Variants in TERB1 observed in about 807,000 individuals in gnomAD.
TERB1 encodes telomere repeat binding bouquet formation protein 1.
Under a neutral mutation model 92.3 loss-of-function variants are expected in TERB1, and 63 were observed. The ratio of observed to expected loss-of-function variants is 0.68; its 90% CI spans 0.56 to 0.84. TERB1 has a LOEUF of 0.84. Among genes scored for constraint, TERB1 ranks in the 40% least tolerant of loss-of-function variants. The pLI is 0.00. For synonymous variants in TERB1, 252 were observed against 283.9 expected (o/e 0.89, Z 1.13); for missense variants, 709 against 843.7 (o/e 0.84, Z 1.98).
chr16:66,758,873 G>GT (rs1567463884), intron 17 of TERB1, 35 bp from the exon 18 acceptor site: 2 of 1,338,428 alleles, frequency 1.5e-6, no homozygotes, highest in Non-Finnish European at 2.1e-6. Flanking sequence ...CACATTTAGC[G>GT]TATCAATCTG....
At chr16:66,780,059 G>A (rs766230248) in intron 9 of TERB1, among the ~76,000 whole-genome samples, 1 of 152,138 alleles carries the variant, frequency 6.6e-6, no homozygotes, top group African/African-American at 2.4e-5. Flanking sequence ...TAGAGACAGG[G>A]TTTGACCATG....
chr16:66,786,005 G>C lies in TERB1; in HGVS notation c.577+9C>G, dbSNP rs2018723515. ...TTTATTTTTATATTTAAACATGACA[G>C]ATAATTACCATTTTGAGGATTGTTG... is the stretch of plus-strand genomic sequence containing the variant. On this transcript the variant is annotated intron_variant, in intron 8 of 18. Coordinates refer to ENST00000433154, the MANE Select transcript of TERB1 (RefSeq NM_001136505.2). 9 of 1,539,402 alleles carry C rather than the reference G, an allele frequency of 5.8e-6. No homozygotes were observed. Among genetic ancestry groups the C allele is most frequent in the Non-Finnish European group, 2.6e-6 (3 of 1,139,408 alleles).
At chr16:66,756,715 G>C (rs1413681168) in intron 18 of TERB1, among the ~76,000 whole-genome samples, 1 of 152,088 alleles carries the variant, frequency 6.6e-6, no homozygotes. Flanking sequence ...TTCCATTGTG[G>C]CTGCCATCTC....
intron 16 of TERB1, among the ~76,000 whole-genome samples, chr16:66,760,456 C>CAAAAA (rs1338924292): frequency 1.0e-3 from 40 of 38,278 alleles, no homozygotes; most frequent in African/African-American, 2.1e-3. Context: ...GACTCCATCT[C>CAAAAA]AAAAAAAAAA....
intron 16 of TERB1, among the ~76,000 whole-genome samples, chr16:66,766,279 G>A (rs2018345610): frequency 1.3e-5 from 2 of 151,340 alleles, no homozygotes; most frequent in Admixed American, 6.6e-5. Context: ...GTATTAAAAT[G>A]TGGAGAAAAA....
At chr16:66,782,096 G>T (rs2018647797) in intron 9 of TERB1, among the ~76,000 whole-genome samples, 1 of 151,968 alleles carries the variant, frequency 6.6e-6, no homozygotes, top group Admixed American at 6.6e-5. Context: ...ACTGTATAAG[G>T]GTTCAGATTC....
Position 66,769,803 on chromosome 16 carries a change from T to A in TERB1, c.1619+160A>T. ...AGATTAACTGGCCCATACCTCCCTG[T>A]CCAAACTCCTTTCCCAACACTTCCT... On this transcript the variant is annotated intron_variant, in intron 14 of 18. Transcript: ENST00000433154. 6.3e-6 allele frequency: 4 copies of A among 635,508 alleles called. No individual in the cohort carries two copies. The South Asian group carries it at 8.1e-5, about 13-fold the overall frequency. 39.4% of individuals were successfully genotyped at this position (635,508 alleles called of 1,614,324 possible).
Position 66,772,630 on chromosome 16 carries a change from T to G in TERB1, c.1231A>C (p.Ile411Leu). ...LEEHWRKAKE[I>L]LHRIEQLERE... ...TCAAGCTGTTCTATTCTGTGTAGAA[T>G]TTCCTTTGCTTTCCTCCAGTGCTCT... The change falls in exon 13 of 19, where the codon ATT becomes CTT. Residue 411 changes from isoleucine (I) to leucine (L), a missense_variant. Physicochemically the swap from Ile to Leu is conservative, Grantham distance 5 (BLOSUM62 2). Transcript: ENST00000433154. 1 of 1,551,652 alleles carries G rather than the reference T, an allele frequency of 6.4e-7. No individual in the cohort carries two copies. The highest frequency in any genetic ancestry group is 8.7e-7 in the Non-Finnish European group (1 of 1,146,818).
At chr16:66,784,338 T>G (rs997610500) in intron 9 of TERB1, among the ~76,000 whole-genome samples, 5 of 151,906 alleles carry the variant, frequency 3.3e-5, no homozygotes, top group South Asian at 2.1e-4. Context: ...GGGTTTTTTG[T>G]GTTTTTTTTT....
Position 66,775,098 on chromosome 16 carries a change from TAAAGTA to T in TERB1, c.1111+14_1111+19del, listed in dbSNP as rs768033109. ...TTATAAACTTTGGTTGGTATGTTCT[TAAAGTA>T]ATAGTACACTTACTAATTTTTTTGC... is the stretch of plus-strand genomic sequence containing the variant. On this transcript the variant is annotated intron_variant, in intron 12 of 18. Coordinates refer to ENST00000433154, the MANE Select transcript of TERB1 (RefSeq NM_001136505.2). 3.9e-6 allele frequency: 6 copies of T among 1,550,440 alleles called. No homozygotes were observed. In the South Asian group the frequency reaches 7.1e-5, roughly 18 times the overall value.
chr16:66,767,221 C>T (rs1380878439), intron 16 of TERB1, among the ~76,000 whole-genome samples, 194 bp downstream of exon 16: 1 of 151,484 alleles, frequency 6.6e-6, no homozygotes, highest in Non-Finnish European at 1.5e-5. Flanking sequence ...CACCTGTAAT[C>T]CCAGCTACTT....
At position 66,768,090 on chromosome 16, in the gene TERB1, A is replaced by AT. The variant is rs2018381073; in HGVS notation, c.1684+13dup. ...TGTTTTATTAAAAAACCAAAGAAAC[A>AT]TTTTTAATCATACCTGTTACTGGTA... On this transcript the variant is annotated intron_variant, in intron 15 of 18. Transcript: ENST00000433154. The AT allele has an allele frequency of 6.5e-7, 1 of 1,538,864 alleles. No individual in the cohort carries two copies. Among genetic ancestry groups the AT allele is most frequent in the African/African-American group, 1.4e-5 (1 of 72,674 alleles).
At position 66,758,766 on chromosome 16, in the gene TERB1, T is replaced by C; in HGVS notation, c.1996+7A>G. 6.7e-7 allele frequency: 1 copy of C among 1,496,852 alleles called. No individual in the cohort carries two copies. The highest frequency in any genetic ancestry group is 9.1e-7 in the Non-Finnish European group (1 of 1,099,190). 92.7% of individuals were successfully genotyped at this position (1,496,852 alleles called of 1,614,324 possible). Reference sequence around the variant, plus strand: ...AAGAAAAAAAAAATTAAATTAAATATATTCACTTATTCCTCCAGGGGTAGT... The same window carrying C: ...AAGAAAAAAAAAATTAAATTAAATACATTCACTTATTCCTCCAGGGGTAGT... On this transcript the variant is annotated splice_region_variant and intron_variant, in intron 18 of 18. Coordinates refer to ENST00000433154, the MANE Select transcript of TERB1 (RefSeq NM_001136505.2).
intron 9 of TERB1, among the ~76,000 whole-genome samples, chr16:66,782,103 A>G (rs1428922440): frequency 6.6e-6 from 1 of 152,228 alleles, no homozygotes; most frequent in Non-Finnish European, 1.5e-5. Flanking sequence ...AAGGGTTCAG[A>G]TTCATATTTT....
intron 12 of TERB1, among the ~76,000 whole-genome samples, chr16:66,773,662 G>A (rs1201359150): frequency 2.0e-5 from 3 of 152,140 alleles, no homozygotes; most frequent in South Asian, 2.1e-4. Context: ...TCTGCTCCAC[G>A]TCTAGACCAG....
At chr16:66,775,301 C>A in intron 11 of TERB1, 58 bp from the exon 12 acceptor site, 1 of 1,408,874 alleles carries the variant, frequency 7.1e-7, no homozygotes. Context: ...TATATGAGGT[C>A]ATAATTCTTC....
chr16:66,785,698 CAATT>C, intron 9 of TERB1, 84 bp downstream of exon 9: 1 of 1,292,400 alleles, frequency 7.7e-7, no homozygotes, highest in South Asian at 1.7e-5. Flanking sequence ...TACAAGAATT[CAATT>C]GATTCAATAA....
At chr16:66,796,417 C>G (rs1179112583) in intron 3 of TERB1, among the ~76,000 whole-genome samples, 1 of 152,200 alleles carries the variant, frequency 6.6e-6, no homozygotes, top group African/African-American at 2.4e-5. Flanking sequence ...ACACTTTTCT[C>G]TCTGGTTAAC....
At chr16:66,780,818 G>A (rs1427314199) in intron 9 of TERB1, among the ~76,000 whole-genome samples, 1 of 152,138 alleles carries the variant, frequency 6.6e-6, no homozygotes, top group Admixed American at 6.6e-5. Context: ...AGGGTATCAC[G>A]GAAATAGATT....
Sources: allele counts gnomAD v4.1 joint callset (sites outside exome capture counted in the v4.1 genomes callset), GRCh38; gene constraint gnomAD v4.1.1; transcripts MANE v1.5; gene names NCBI Gene and HGNC (gene_info 2026-07-23, HGNC 2026-07-21).